PALM2AKAP2: variants seen among roughly 807,000 people sequenced by gnomAD.
PALM2AKAP2 encodes PALM2 and AKAP2 fusion.
A neutral mutation model predicts 71.5 loss-of-function variants in PALM2AKAP2; 37 were observed. That is an observed-to-expected ratio of 0.52 (90% CI 0.40 to 0.68). The LOEUF (loss-of-function observed/expected upper bound fraction) is 0.68. Ranked by LOEUF, PALM2AKAP2 falls within the 30% of genes least tolerant of loss-of-function variation. PALM2AKAP2 has a pLI of 0.00. For synonymous variants in PALM2AKAP2, 468 were observed against 478.8 expected (o/e 0.98, Z 0.29); for missense variants, 1,224 against 1,191.8 (o/e 1.03, Z -0.40).
intron 1 of PALM2AKAP2, among the ~76,000 whole-genome samples, chr9:109,716,391 C>G (rs571409560): frequency 1.3e-5 from 2 of 152,300 alleles, no homozygotes; most frequent in South Asian, 4.1e-4. Context: ...TCTGGATCCA[C>G]TCATTAGGCT....
intron 7 of PALM2AKAP2, among the ~76,000 whole-genome samples, chr9:110,040,344 C>T (rs956322234): frequency 3.3e-5 from 5 of 152,130 alleles, no homozygotes; most frequent in African/African-American, 1.2e-4. Context: ...AATATGCCTT[C>T]ATAATATTGT....
intron 1 of PALM2AKAP2, among the ~76,000 whole-genome samples, chr9:109,668,410 G>A (rs1827522778): frequency 6.6e-6 from 1 of 152,164 alleles, no homozygotes; most frequent in African/African-American, 2.4e-5. Context: ...AAAGAGAAAG[G>A]AACAAAACAC....
intron 6 of PALM2AKAP2, among the ~76,000 whole-genome samples, chr9:109,983,306 A>G (rs1471528303): frequency 1.3e-5 from 2 of 151,986 alleles, no homozygotes; most frequent in Admixed American, 6.6e-5. Flanking sequence ...TATAAAATGG[A>G]ATCTGTTTTC....
chr9:109,827,592 G>A (rs940471231), intron 1 of PALM2AKAP2, among the ~76,000 whole-genome samples: 1 of 152,176 alleles, frequency 6.6e-6, no homozygotes, highest in Non-Finnish European at 1.5e-5. Flanking sequence ...CTGGGCGACA[G>A]AGTGAGACTC....
At chr9:110,013,679 T>C (rs1046317798) in intron 6 of PALM2AKAP2, among the ~76,000 whole-genome samples, 7 of 152,228 alleles carry the variant, frequency 4.6e-5, no homozygotes, top group African/African-American at 1.4e-4. Flanking sequence ...AAACAGGTCT[T>C]GAGTAATTCA....
Position 109,690,360 on chromosome 9 carries a change from G to T in PALM2AKAP2, c.5+49494G>T, listed in dbSNP as rs369896072. Among the ~76,000 whole-genome samples, 164 of 152,288 alleles carry T rather than the reference G, an allele frequency of 1.1e-3. 5 individuals carry two copies. The South Asian group carries it at 0.033, about 31-fold the overall frequency. On this transcript the variant is annotated intron_variant, in intron 1 of 6. Coordinates refer to the PALM2AKAP2 transcript ENST00000374531. ...TTTTAGGATATTGGCTAAAAAGGGA[G>T]GTTGAGAATTCTCTCTTTTTCTGTC...
At chr9:109,856,417 A>T (rs1380167015) in intron 1 of PALM2AKAP2, among the ~76,000 whole-genome samples, 2 of 152,262 alleles carry the variant, frequency 1.3e-5, no homozygotes, top group African/African-American at 4.8e-5. Context: ...TCTCTAAGAT[A>T]CATCACGAAG....
chr9:109,722,244 T>A (rs1424517466), intron 1 of PALM2AKAP2, among the ~76,000 whole-genome samples: 1 of 152,206 alleles, frequency 6.6e-6, no homozygotes, highest in Non-Finnish European at 1.5e-5. Context: ...TAAACTATAC[T>A]GTAAAATGAA....
chr9:109,933,252 T>G lies in PALM2AKAP2; in HGVS notation c.496+1224T>G, dbSNP rs374766897. Among the ~76,000 whole-genome samples, 126 of 152,344 alleles carry G rather than the reference T, an allele frequency of 8.3e-4. 3 individuals are homozygous for G. The South Asian group carries it at 0.025, about 30-fold the overall frequency. ...CTTCAAAGGACTCACTGGCAGTCAC[T>G]TTAACATTGGACTCTTTAAGTACTC... On this transcript the variant is annotated intron_variant, in intron 6 of 9. Transcript: ENST00000302798.
chr9:110,114,856 G>T (rs770791555), intron 1 of PALM2AKAP2, among the ~76,000 whole-genome samples: 3 of 152,134 alleles, frequency 2.0e-5, no homozygotes, highest in Admixed American at 6.5e-5. Flanking sequence ...CAACCATCCG[G>T]CTGTGCTCCT....
intron 6 of PALM2AKAP2, among the ~76,000 whole-genome samples, chr9:109,948,298 C>A (rs1831558383): frequency 6.6e-6 from 1 of 152,154 alleles, no homozygotes; most frequent in Non-Finnish European, 1.5e-5. Context: ...TTTACCAGGG[C>A]TCCTTAGACC....
At chr9:110,064,241 G>A (rs902885889) in intron 1 of PALM2AKAP2, among the ~76,000 whole-genome samples, 4 of 152,192 alleles carry the variant, frequency 2.6e-5, no homozygotes, top group Middle Eastern at 3.2e-3. Flanking sequence ...GGAAGTAAAC[G>A]AAGACATTGA....
In PALM2AKAP2 at chr9:110,110,368, G is replaced by A. The variant is rs1333989842; in HGVS notation, c.157-25759G>A. On this transcript the variant is annotated intron_variant, in intron 1 of 3. Coordinates refer to ENST00000374525, the Ensembl canonical transcript of PALM2AKAP2. The stretch of plus-strand genomic sequence containing the variant: ...GAAAAAGTCTGTTCTTAGCTTTGAT[G>A]GGGGAAGGAAGACCCAGAGCAAACC... 2.0e-5 allele frequency among the ~76,000 whole-genome samples: 3 copies of A among 151,970 alleles called. No individual in the cohort carries two copies. The East Asian group carries it at 5.8e-4, about 29-fold the overall frequency.
At chr9:109,910,744 G>C (rs987341648) in intron 3 of PALM2AKAP2, among the ~76,000 whole-genome samples, 5 of 152,130 alleles carry the variant, frequency 3.3e-5, no homozygotes, top group African/African-American at 1.2e-4. Flanking sequence ...AGGGCGGTGA[G>C]GGCAGAGGGA....
At position 110,048,759 on chromosome 9, in the gene PALM2AKAP2, G is replaced by C. The variant is rs933435869; in HGVS notation, c.60G>C (p.Pro20=). 1.4e-5 allele frequency: 22 copies of C among 1,536,844 alleles called. No individual in the cohort carries two copies. In the African/African-American group the frequency reaches 2.2e-4, roughly 15 times the overall value. Residue 20 remains proline (P), a synonymous_variant, in exon 1 of 4, where the codon CCG becomes CCC. Coordinates refer to ENST00000374525, the Ensembl canonical transcript of PALM2AKAP2. ...TTCCCCCGGAGTCTCCTGGACCCCC[G>C]GAGTCTCCTGGACCCCCGGAGCGGG...
chr9:110,036,293 T>C (rs1271692767), intron 7 of PALM2AKAP2, among the ~76,000 whole-genome samples: 1 of 152,190 alleles, frequency 6.6e-6, no homozygotes, highest in Non-Finnish European at 1.5e-5. Flanking sequence ...GGGAGTTTTT[T>C]TGAACCCGTT....
intron 1 of PALM2AKAP2, among the ~76,000 whole-genome samples, chr9:109,830,052 C>A (rs1259705355): frequency 6.6e-6 from 1 of 152,110 alleles, no homozygotes; most frequent in Non-Finnish European, 1.5e-5. Flanking sequence ...TTTAGTCTTT[C>A]AAGATGCAGG....
chr9:110,061,954 C>T lies in PALM2AKAP2; in HGVS notation c.156+13099C>T, dbSNP rs930371552. ...ATCCCTATAGGCTAGTGGTTAGAGACAGTCTCTTAATCATTCCTGTTTTTA... is the reference window on the plus strand; with the variant it reads ...ATCCCTATAGGCTAGTGGTTAGAGATAGTCTCTTAATCATTCCTGTTTTTA... On this transcript the variant is annotated intron_variant, in intron 1 of 3. Coordinates refer to ENST00000374525, the Ensembl canonical transcript of PALM2AKAP2. Among the ~76,000 whole-genome samples the T allele has an allele frequency of 5.0e-5, 7 of 141,008 alleles. No individual in the cohort carries two copies. In the South Asian group the frequency reaches 6.2e-4, roughly 13 times the overall value. 92.5% of individuals were successfully genotyped at this position (141,008 alleles called of 152,430 possible).
intron 1 of PALM2AKAP2, among the ~76,000 whole-genome samples, chr9:110,068,586 G>A (rs1303210418): frequency 7.1e-6 from 1 of 141,344 alleles, no homozygotes; most frequent in Non-Finnish European, 1.5e-5. Flanking sequence ...CTGGAGTGTA[G>A]TGGTGCCATC....
Sources: gnomAD v4.1 joint callset for allele counts (sites outside exome capture counted in the v4.1 genomes callset) on GRCh38, gnomAD v4.1.1 for gene constraint, MANE v1.5 for transcripts, NCBI Gene and HGNC (gene_info 2026-07-23, HGNC 2026-07-21) for gene names.